The following DTD1 variants were observed in gnomAD, a reference collection of about 807,000 sequenced individuals.
The protein encoded by DTD1 is D-tyrosyl-tRNA deacylase 1 homolog.
A neutral mutation model predicts 25.6 loss-of-function variants in DTD1; 13 were observed. That is an observed-to-expected ratio of 0.51 (90% CI 0.33 to 0.81). The LOEUF (loss-of-function observed/expected upper bound fraction) is 0.81, where lower values mean the gene tolerates loss of function less well. Among genes scored for constraint, DTD1 ranks in the 30% least tolerant of loss-of-function variants. DTD1 has a pLI of 0.02. For missense variants in DTD1, 193 were observed against 266.4 expected (o/e 0.72, Z 1.92); for synonymous variants, 110 against 103.6 (o/e 1.06, Z -0.37).
intron 3 of DTD1, among the ~76,000 whole-genome samples, chr20:18,615,916 A>G (rs1048695319): frequency 6.6e-6 from 1 of 152,162 alleles, no homozygotes; most frequent in African/African-American, 2.4e-5. Flanking sequence ...GACCACGTCT[A>G]AGTTTTTGTT....
chr20:18,654,285 C>T (rs777838699), intron 4 of DTD1, among the ~76,000 whole-genome samples: 4 of 152,200 alleles, frequency 2.6e-5, no homozygotes, highest in Non-Finnish European at 5.9e-5. Flanking sequence ...GGCAGTTCCC[C>T]TGCACATGTT....
rs145528679 is a variant in DTD1, at chr20:18,759,256, T to C, written c.*20-4104T>C. ...TTCACATTTAACGTTAATATTGTTA[T>C]GTGTGAATTTGATCCTGTCATTATG... On this transcript the variant is annotated intron_variant, in intron 5 of 5. Coordinates refer to ENST00000377452, the MANE Select transcript of DTD1 (RefSeq NM_080820.6). Among the ~76,000 whole-genome samples, 36 of 152,334 alleles carry C rather than the reference T, an allele frequency of 2.4e-4. No homozygotes were observed. The East Asian group carries it at 6.2e-3, about 26-fold the overall frequency.
At position 18,765,684 on chromosome 20, in the gene DTD1, A is replaced by G. The variant is rs1241243340; in HGVS notation, c.*2344A>G. ...GTGGTTAATTTCCACCCCCACCTAC[A>G]CTCCTGAAGGTCCTTTCCTAGTTGC... is the stretch of plus-strand genomic sequence containing the variant. On this transcript the variant is annotated 3_prime_UTR_variant, in exon 6 of 6. Coordinates refer to ENST00000377452, the MANE Select transcript of DTD1 (RefSeq NM_080820.6). 6.6e-6 allele frequency: 1 copy of G among 152,058 alleles called. No homozygotes were observed. The highest frequency in any genetic ancestry group is 1.5e-5 in the Non-Finnish European group (1 of 67,998). The allele number at this position is 152,058 out of a possible 1,614,324, so 9.4% of individuals were successfully genotyped here.
chr20:18,690,060 C>T (rs377289691), intron 4 of DTD1, among the ~76,000 whole-genome samples: 1 of 148,262 alleles, frequency 6.7e-6, no homozygotes. Flanking sequence ...CACTTGAGCC[C>T]AGGAGTTCAA....
chr20:18,601,498 CAA>C (rs1175102426), intron 3 of DTD1, among the ~76,000 whole-genome samples: 155 of 110,586 alleles, frequency 1.4e-3, no homozygotes, highest in Non-Finnish European at 2.3e-3. Context: ...GACTCTGTCT[CAA>C]AAAAAAAAAA....
At chr20:18,744,721 A>G (rs1195378599) in intron 5 of DTD1, among the ~76,000 whole-genome samples, 2 of 151,762 alleles carry the variant, frequency 1.3e-5, no homozygotes, top group Admixed American at 1.3e-4. Flanking sequence ...TACCAAGAGA[A>G]CAGTATGGGG....
chr20:18,697,785 C>T lies in DTD1; in HGVS notation c.478-46315C>T, dbSNP rs369328538. 3.7e-4 allele frequency among the ~76,000 whole-genome samples: 56 copies of T among 152,310 alleles called. No individual in the cohort carries two copies. The South Asian group carries it at 0.011, about 31-fold the overall frequency. On this transcript the variant is annotated intron_variant, in intron 4 of 5. Transcript: ENST00000377452. The stretch of plus-strand genomic sequence containing the variant: ...CTGCAAGCTCCGCCTCTTAGGTTCA[C>T]GCCATTCTCCTGCCTCAGCCTCTCG...
chr20:18,727,630 A>G (rs1246798961), intron 4 of DTD1, among the ~76,000 whole-genome samples: 2 of 152,102 alleles, frequency 1.3e-5, no homozygotes, highest in Non-Finnish European at 2.9e-5. Flanking sequence ...TTCGCAGAGC[A>G]ACCATCACCA....
chr20:18,680,377 A>G (rs1409740011), intron 4 of DTD1, among the ~76,000 whole-genome samples: 2 of 144,078 alleles, frequency 1.4e-5, no homozygotes, highest in Non-Finnish European at 3.0e-5. Flanking sequence ...TTAATTTTGT[A>G]GAGACACTCT....
intron 4 of DTD1, among the ~76,000 whole-genome samples, chr20:18,688,418 G>T (rs1466368393): frequency 6.6e-6 from 1 of 152,100 alleles, no homozygotes; most frequent in Non-Finnish European, 1.5e-5. Context: ...CTAGATTCAT[G>T]CAGGGTACAG....
chr20:18,628,610 C>T (rs2060769429), intron 4 of DTD1, among the ~76,000 whole-genome samples: 1 of 152,144 alleles, frequency 6.6e-6, no homozygotes, highest in African/African-American at 2.4e-5. Flanking sequence ...GGGTTTGGTC[C>T]CAGGTGTGGA....
At chr20:18,590,151 T>G (rs1385468061) in intron 1 of DTD1, among the ~76,000 whole-genome samples, 4 of 152,200 alleles carry the variant, frequency 2.6e-5, no homozygotes, top group African/African-American at 9.7e-5. Flanking sequence ...GTTGGTTGAC[T>G]TCACATTTAT....
Position 18,593,615 on chromosome 20 carries a change from A to C in DTD1, c.44-116A>C, listed in dbSNP as rs944442281. 6 of 718,990 alleles carry C rather than the reference A, an allele frequency of 8.3e-6. No individual in the cohort carries two copies. In the African/African-American group the frequency reaches 8.8e-5, roughly 11 times the overall value. 44.5% of individuals were successfully genotyped at this position (718,990 alleles called of 1,614,324 possible). A position where few individuals can be genotyped will look rare whatever the true frequency, so the allele number is the denominator to read the frequency against. On this transcript the variant is annotated intron_variant, in intron 1 of 5. Coordinates refer to ENST00000377452, the MANE Select transcript of DTD1 (RefSeq NM_080820.6). ...CATTTTCGAATACGTACTGACTTTA[A>C]CCAAAGAAGTTATAAGAAGTATGTA...
At chr20:18,628,387 C>T (rs1568651517) in intron 4 of DTD1, among the ~76,000 whole-genome samples, 154 bp downstream of exon 4, 1 of 152,214 alleles carries the variant, frequency 6.6e-6, no homozygotes, top group African/African-American at 2.4e-5. Context: ...GTTTACGGTG[C>T]ACTCCTGAGT....
intron 4 of DTD1, among the ~76,000 whole-genome samples, chr20:18,653,831 A>G (rs2060882446): frequency 6.6e-6 from 1 of 152,230 alleles, no homozygotes; most frequent in Non-Finnish European, 1.5e-5. Flanking sequence ...CATTGTTAAT[A>G]AAAACACATT....
At chr20:18,602,944 T>G (rs2122259012) in intron 3 of DTD1, among the ~76,000 whole-genome samples, 1 of 114,236 alleles carries the variant, frequency 8.8e-6, no homozygotes, top group South Asian at 2.9e-4. Context: ...TAAATGTAAA[T>G]GGACTAAATT....
intron 4 of DTD1, among the ~76,000 whole-genome samples, chr20:18,738,785 G>A (rs2122514304): frequency 6.6e-6 from 1 of 152,346 alleles, no homozygotes; most frequent in East Asian, 1.9e-4. Flanking sequence ...AGTAGCTGCG[G>A]TGTAGGCAGC....
rs993971535 is a variant in DTD1, at chr20:18,691,614, G to A, written c.478-52486G>A. Reference sequence around the variant, plus strand: ...AGCAGACACTGGAGACTACTAGAGCGGGAAAGGAGGGAAGGGGATGTGGGC... The same window carrying A: ...AGCAGACACTGGAGACTACTAGAGCAGGAAAGGAGGGAAGGGGATGTGGGC... On this transcript the variant is annotated intron_variant, in intron 4 of 5. Transcript: ENST00000377452. Among the ~76,000 whole-genome samples the A allele has an allele frequency of 3.9e-5, 6 of 152,268 alleles. No individual in the cohort carries two copies. The South Asian group carries it at 6.2e-4, about 16-fold the overall frequency.
chr20:18,706,877 G>T (rs557078430), intron 4 of DTD1, among the ~76,000 whole-genome samples: 1 of 152,324 alleles, frequency 6.6e-6, no homozygotes, highest in East Asian at 1.9e-4. Context: ...TCCCGTTAGC[G>T]GTGCATTTCC....
Sources: gnomAD v4.1 joint callset for allele counts (sites outside exome capture counted in the v4.1 genomes callset) on GRCh38, gnomAD v4.1.1 for gene constraint, MANE v1.5 for transcripts, NCBI Gene and HGNC (gene_info 2026-07-23, HGNC 2026-07-21) for gene names.